Variants in GABRB3 observed in about 807,000 individuals in gnomAD.
GABRB3 encodes gamma-aminobutyric acid receptor subunit beta-3.
A neutral mutation model predicts 52.1 loss-of-function variants in GABRB3; 14 were observed. The ratio of observed to expected loss-of-function variants is 0.27; its 90% confidence interval spans 0.18 to 0.42. The LOEUF (loss-of-function observed/expected upper bound fraction) is 0.42. Among genes scored for constraint, GABRB3 ranks in the 10% least tolerant of loss-of-function variants. The probability of loss-of-function intolerance (pLI) is 1.00; values close to 1 mark genes in which losing one functional copy is unlikely to be tolerated. For synonymous variants in GABRB3, 260 were observed against 232.3 expected, an observed-to-expected ratio of 1.12 and a Z score of -1.08; for missense variants, 307 against 609.1, an observed-to-expected ratio of 0.50 and a Z score of 5.22.
At chr15:26,746,194 T>G (rs1040027864) in intron 3 of GABRB3, among the ~76,000 whole-genome samples, 37 of 152,058 alleles carry the variant, frequency 2.4e-4, no homozygotes, top group African/African-American at 8.5e-4. Flanking sequence ...GCTTTTTTTT[T>G]GCATTTTGCT....
chr15:26,745,785 G>A (rs1466093665), intron 3 of GABRB3, among the ~76,000 whole-genome samples: 1 of 152,210 alleles, frequency 6.6e-6, no homozygotes, highest in Non-Finnish European at 1.5e-5. Flanking sequence ...GGTGCCTGTA[G>A]CAATAGTTTC....
At chr15:26,607,683 A>G (rs1259055054) in intron 4 of GABRB3, among the ~76,000 whole-genome samples, 1 of 152,190 alleles carries the variant, frequency 6.6e-6, no homozygotes, top group African/African-American at 2.4e-5. Flanking sequence ...AATTAACACT[A>G]AACTATCTGA....
chr15:26,761,384 G>A (rs147556988), intron 3 of GABRB3, among the ~76,000 whole-genome samples: 1,466 of 139,952 alleles, frequency 0.01, 32 homozygotes, highest in African/African-American at 0.039. Context: ...GACACAGCAA[G>A]ACTCCATCTC....
At position 26,572,120 on chromosome 15, in the gene GABRB3, C is replaced by T. The variant is rs571318260; in HGVS notation, c.683-4387G>A. ...ATGTTCCGGTATCCGGCGCATGCCC[C>T]ACACATCCTAGTCTCTGAGGTGGAA... is the stretch of plus-strand genomic sequence containing the variant. On this transcript the variant is annotated intron_variant, in intron 6 of 8. Coordinates refer to ENST00000311550, the MANE Select transcript of GABRB3 (RefSeq NM_000814.6). Among the ~76,000 whole-genome samples the T allele has an allele frequency of 7.4e-4, 113 of 152,090 alleles. 1 individual carries two copies. The highest frequency in any genetic ancestry group is 2.7e-3 in the African/African-American group (110 of 41,478).
At position 26,547,175 on chromosome 15, in the gene GABRB3, C is replaced by A; in HGVS notation, c.*618G>T. 1 of 205,944 alleles carries A rather than the reference C, an allele frequency of 4.9e-6. No homozygotes were observed. The highest frequency in any genetic ancestry group is 9.6e-6 in the Non-Finnish European group (1 of 103,994). The allele number at this position is 205,944 out of a possible 1,614,324, so 12.8% of individuals were successfully genotyped here. A position where few individuals can be genotyped will look rare whatever the true frequency, so the allele number is the denominator to read the frequency against. ...AGGTAAGCACACTGCCAGTGGCTCA[C>A]CCCAGCCACTAAACCATTGCAGAAA... On this transcript the variant is annotated 3_prime_UTR_variant, in exon 9 of 9. Transcript: ENST00000311550.
chr15:26,760,905 T>G (rs1890804495), intron 3 of GABRB3, among the ~76,000 whole-genome samples: 1 of 152,028 alleles, frequency 6.6e-6, no homozygotes, highest in Admixed American at 6.6e-5. Flanking sequence ...TTTCATTTAC[T>G]CACCCATGAT....
At chr15:26,668,505 A>T (rs79317056) in intron 3 of GABRB3, among the ~76,000 whole-genome samples, 20,361 of 151,718 alleles carry the variant, frequency 0.13, 1,710 homozygotes, top group Non-Finnish European at 0.19. Flanking sequence ...TCATACATAC[A>T]GTTTTCCCTT....
At chr15:26,715,964 G>A (rs574579598) in intron 3 of GABRB3, among the ~76,000 whole-genome samples, 7 of 152,124 alleles carry the variant, frequency 4.6e-5, no homozygotes, top group Non-Finnish European at 8.8e-5. Flanking sequence ...CAGAGAACAA[G>A]CCATGGTAAG....
chr15:26,686,622 C>A (rs1003210092), intron 3 of GABRB3, among the ~76,000 whole-genome samples: 29 of 152,182 alleles, frequency 1.9e-4, no homozygotes, highest in Non-Finnish European at 2.5e-4. Context: ...TGGAAATATA[C>A]CCCAGATCAA....
chr15:26,686,102 C>T (rs1034839608), intron 3 of GABRB3, among the ~76,000 whole-genome samples: 2 of 152,024 alleles, frequency 1.3e-5, no homozygotes, highest in African/African-American at 2.4e-5. Context: ...GCCACCATAC[C>T]TGACTAATTT....
intron 3 of GABRB3, among the ~76,000 whole-genome samples, chr15:26,686,235 G>T (rs956253485): frequency 3.3e-5 from 5 of 152,146 alleles, no homozygotes; most frequent in African/African-American, 1.2e-4. Flanking sequence ...GTGAGCCACT[G>T]CACCCAGCTC....
chr15:26,638,048 T>A (rs1027853266), intron 3 of GABRB3, among the ~76,000 whole-genome samples: 1 of 152,208 alleles, frequency 6.6e-6, no homozygotes, highest in African/African-American at 2.4e-5. Context: ...AGTGATATAT[T>A]TAAATAATGT....
intron 4 of GABRB3, among the ~76,000 whole-genome samples, chr15:26,590,908 G>A (rs547024202): frequency 1.5e-4 from 23 of 152,144 alleles, no homozygotes; most frequent in Non-Finnish European, 2.4e-4. Flanking sequence ...ATAAAGGCTG[G>A]AAGTGACCAC....
intron 4 of GABRB3, among the ~76,000 whole-genome samples, chr15:26,606,764 C>CGATAGATAGATA (rs1566770440): frequency 8.7e-5 from 4 of 45,830 alleles, no homozygotes; most frequent in South Asian, 1.5e-3. Flanking sequence ...ACATATCTGT[C>CGATAGATAGATA]TATCTATAGA....
intron 3 of GABRB3, among the ~76,000 whole-genome samples, chr15:26,673,219 C>CTTCTTTCCTTCCTTTTTTCCT (rs1887953949): frequency 1.3e-5 from 2 of 152,032 alleles, no homozygotes; most frequent in African/African-American, 4.8e-5. Flanking sequence ...TCCTTCCTTC[C>CTTCTTTCCTTCCTTTTTTCCT]TTCTTTCCTT....
intron 2 of GABRB3, 23 bp from the exon 3 acceptor site, chr15:26,772,492 C>G (rs754625640): frequency 6.2e-7 from 1 of 1,607,496 alleles, no homozygotes; most frequent in South Asian, 1.1e-5. Flanking sequence ...CAGGACACGG[C>G]GATCAGCCCA....
chr15:26,697,505 C>T (rs1236770668), intron 3 of GABRB3, among the ~76,000 whole-genome samples: 2 of 152,042 alleles, frequency 1.3e-5, no homozygotes, highest in East Asian at 1.9e-4. Context: ...CTTCCCTCCA[C>T]CCTGGCACAC....
intron 3 of GABRB3, among the ~76,000 whole-genome samples, chr15:26,709,797 G>A (rs555425689): frequency 2.2e-3 from 336 of 152,084 alleles, no homozygotes; most frequent in African/African-American, 7.8e-3. Context: ...GATTACAGGC[G>A]TGAGCCACCA....
At chr15:26,722,615 T>C (rs1448275472) in intron 3 of GABRB3, among the ~76,000 whole-genome samples, 3 of 152,234 alleles carry the variant, frequency 2.0e-5, no homozygotes, top group Non-Finnish European at 4.4e-5. Context: ...CTTGGCAGCA[T>C]TGTCGTCCCT....
Sources: gnomAD v4.1 joint callset for allele counts (sites outside exome capture counted in the v4.1 genomes callset) on GRCh38, gnomAD v4.1.1 for gene constraint, MANE v1.5 for transcripts, NCBI Gene and HGNC (gene_info 2026-07-23, HGNC 2026-07-21) for gene names.